Variants in TAFA4 observed in about 807,000 individuals in gnomAD.
TAFA4 encodes chemokine-like protein TAFA-4.
In TAFA4, 20 loss-of-function variants were observed where a neutral mutation model predicts 21.1. The observed-to-expected ratio is 0.95, with a 90% confidence interval of 0.67 to 1.38. The LOEUF is 1.38. TAFA4 is among the 40% of genes most tolerant of loss of function. TAFA4 has a pLI of 0.00. For missense variants in TAFA4, 211 were observed against 180.9 expected, an observed-to-expected ratio of 1.17 and a Z score of -0.95; for synonymous variants, 71 against 67.4, an observed-to-expected ratio of 1.05 and a Z score of -0.26.
At chr3:68,897,548 C>A (rs1230280299) in intron 1 of TAFA4, among the ~76,000 whole-genome samples, 1 of 151,904 alleles carries the variant, frequency 6.6e-6, no homozygotes, top group African/African-American at 2.4e-5. Flanking sequence ...ATCGCTTGAA[C>A]CCGGGAGGCA....
At chr3:68,774,520 G>C (rs995158668) in intron 3 of TAFA4, among the ~76,000 whole-genome samples, 3 of 152,144 alleles carry the variant, frequency 2.0e-5, no homozygotes, top group Admixed American at 6.5e-5. Context: ...AGTAAATGTT[G>C]AGCATTCCAC....
intron 3 of TAFA4, among the ~76,000 whole-genome samples, chr3:68,815,266 T>C (rs1703945425): frequency 6.6e-6 from 1 of 152,208 alleles, no homozygotes; most frequent in Non-Finnish European, 1.5e-5. Context: ...AAGGACTTCA[T>C]GTCTAAAACA....
intron 1 of TAFA4, among the ~76,000 whole-genome samples, chr3:68,905,639 G>A (rs2089892113): frequency 6.6e-6 from 1 of 152,164 alleles, no homozygotes; most frequent in Non-Finnish European, 1.5e-5. Context: ...ACAAGGAGGA[G>A]ACAGACCAGG....
chr3:68,879,279 G>A lies in TAFA4; in HGVS notation c.130+1451C>T, dbSNP rs140689067. ...TCTGACCAGAGTTTCTCAGGATCTCGGTGCACTGCCCCAATTAATTCTGGT... is the reference window on the plus strand; with the variant it reads ...TCTGACCAGAGTTTCTCAGGATCTCAGTGCACTGCCCCAATTAATTCTGGT... On this transcript the variant is annotated intron_variant, in intron 3 of 5. Coordinates refer to ENST00000295569, the MANE Select transcript of TAFA4 (RefSeq NM_182522.5). 9.2e-5 allele frequency among the ~76,000 whole-genome samples: 14 copies of A among 152,132 alleles called. No individual in the cohort carries two copies. The East Asian group carries it at 2.1e-3, about 23-fold the overall frequency.
At chr3:68,865,730 A>C (rs1273151168) in intron 3 of TAFA4, among the ~76,000 whole-genome samples, 1 of 152,074 alleles carries the variant, frequency 6.6e-6, no homozygotes, top group Non-Finnish European at 1.5e-5. Flanking sequence ...CTGCTGCTTC[A>C]AACTCCAGTC....
chr3:68,827,200 G>A (rs1284367425), intron 3 of TAFA4, among the ~76,000 whole-genome samples: 1 of 151,948 alleles, frequency 6.6e-6, no homozygotes, highest in Non-Finnish European at 1.5e-5. Flanking sequence ...CCATGTCCCT[G>A]CAAAAAACAT....
chr3:68,814,229 G>T (rs1368473934), intron 3 of TAFA4, among the ~76,000 whole-genome samples: 2 of 152,090 alleles, frequency 1.3e-5, no homozygotes, highest in African/African-American at 2.4e-5. Flanking sequence ...GGGCAAAAAT[G>T]GGAAGCATTC....
chr3:68,815,886 T>C (rs1402660789), intron 3 of TAFA4, among the ~76,000 whole-genome samples: 3 of 152,330 alleles, frequency 2.0e-5, no homozygotes, highest in South Asian at 4.1e-4. Context: ...TGTGGCACTA[T>C]TCACAATACC....
chr3:68,855,960 A>G (rs746154301), intron 3 of TAFA4, among the ~76,000 whole-genome samples: 2 of 152,042 alleles, frequency 1.3e-5, no homozygotes, highest in Non-Finnish European at 2.9e-5. Context: ...TGCAGACACG[A>G]TATTTAAAAC....
At chr3:68,846,318 C>A (rs1704792734) in intron 3 of TAFA4, among the ~76,000 whole-genome samples, 1 of 151,814 alleles carries the variant, frequency 6.6e-6, no homozygotes, top group South Asian at 2.1e-4. Flanking sequence ...GCTATTGATA[C>A]TTGTGTACGC....
chr3:68,772,401 T>C (rs1702974496), intron 3 of TAFA4, among the ~76,000 whole-genome samples: 1 of 152,096 alleles, frequency 6.6e-6, no homozygotes, highest in Non-Finnish European at 1.5e-5. Flanking sequence ...AGAGCCATCA[T>C]TAAGGTGGGT....
At chr3:68,873,365 CA>C (rs2089509810) in intron 3 of TAFA4, among the ~76,000 whole-genome samples, 1 of 145,316 alleles carries the variant, frequency 6.9e-6, no homozygotes, top group Admixed American at 7.2e-5. Flanking sequence ...CACACACACA[CA>C]CACACACACA....
intron 1 of TAFA4, among the ~76,000 whole-genome samples, chr3:68,904,065 T>TA (rs10707666): frequency 2.0e-3 from 289 of 143,438 alleles, no homozygotes; most frequent in African/African-American, 6.9e-3. Flanking sequence ...TTTAGAAAGT[T>TA]AAAAAAAAAA....
intron 3 of TAFA4, among the ~76,000 whole-genome samples, chr3:68,803,165 T>C (rs1703612922): frequency 6.6e-6 from 1 of 152,192 alleles, no homozygotes; most frequent in African/African-American, 2.4e-5. Flanking sequence ...TTACCAGGCT[T>C]CAGTAAATAA....
chr3:68,813,708 T>G (rs1040969245), intron 3 of TAFA4, among the ~76,000 whole-genome samples: 4 of 152,012 alleles, frequency 2.6e-5, no homozygotes, highest in East Asian at 1.9e-4. Flanking sequence ...CAGGACCAGA[T>G]GGATTCACAG....
In TAFA4 at chr3:68,841,329, A is replaced by T. The variant is rs1293121748; in HGVS notation, c.130+39401T>A. Among the ~76,000 whole-genome samples, 96 of 72,040 alleles carry T rather than the reference A, an allele frequency of 1.3e-3. 24 individuals carry two copies. The highest frequency in any genetic ancestry group is 7.8e-3 in the Middle Eastern group (1 of 128). The allele number at this position is 72,040 out of a possible 152,430, so 47.3% of individuals were successfully genotyped here. On this transcript the variant is annotated intron_variant, in intron 3 of 5. Coordinates refer to ENST00000295569, the MANE Select transcript of TAFA4 (RefSeq NM_182522.5). ...CAGAGCGAGACTCCGTCTCAAAAAA[A>T]AAAAAAATAAAAAAAAATAAAATCC...
At chr3:68,764,715 T>C (rs559010347) in intron 3 of TAFA4, among the ~76,000 whole-genome samples, 4 of 152,298 alleles carry the variant, frequency 2.6e-5, no homozygotes, top group Non-Finnish European at 2.9e-5. Flanking sequence ...GGTTTTACTA[T>C]TGCCTAGTGC....
At chr3:68,743,382 C>T (rs969660370) in intron 4 of TAFA4, among the ~76,000 whole-genome samples, 2 of 151,948 alleles carry the variant, frequency 1.3e-5, no homozygotes, top group Non-Finnish European at 2.9e-5. Context: ...TCAAGACCAG[C>T]CTAGCCAACG....
chr3:68,846,791 G>A, intron 3 of TAFA4, among the ~76,000 whole-genome samples: 1 of 152,172 alleles, frequency 6.6e-6, no homozygotes, highest in Non-Finnish European at 1.5e-5. Flanking sequence ...CTGCAGGTCT[G>A]CTGGAATTTG....
Sources: allele counts gnomAD v4.1 joint callset (sites outside exome capture counted in the v4.1 genomes callset), GRCh38; gene constraint gnomAD v4.1.1; transcripts MANE v1.5; gene names NCBI Gene and HGNC (gene_info 2026-07-23, HGNC 2026-07-21).